DLG2: variants seen among roughly 807,000 people sequenced by gnomAD.
DLG2 encodes discs large MAGUK scaffold protein 2, also known as disks large homolog 2.
DLG2 carries 45 observed loss-of-function variants against 132.5 expected under a neutral mutation model. The observed-to-expected ratio is 0.34, with a 90% CI of 0.27 to 0.44. The LOEUF (loss-of-function observed/expected upper bound fraction) is 0.44, where lower values mean the gene tolerates loss of function less well. Ranked by LOEUF, DLG2 falls within the 20% of genes least tolerant of loss-of-function variation. The pLI is 1.00. For missense variants in DLG2, 1,045 were observed against 1,196.9 expected (o/e 0.87, Z 1.87); for synonymous variants, 424 against 419.6 (o/e 1.01, Z -0.13).
chr11:83,660,086 T>G (rs1285241708), intron 18 of DLG2, among the ~76,000 whole-genome samples: 1 of 152,190 alleles, frequency 6.6e-6, no homozygotes, highest in African/African-American at 2.4e-5. Context: ...GGAGGGTAAA[T>G]AGAGGGTCAT....
At chr11:84,006,970 C>A (rs2094601370) in intron 11 of DLG2, among the ~76,000 whole-genome samples, 1 of 151,592 alleles carries the variant, frequency 6.6e-6, no homozygotes, top group South Asian at 2.1e-4. Context: ...AAAAGACTAA[C>A]CTTAAATTTA....
intron 4 of DLG2, among the ~76,000 whole-genome samples, chr11:85,273,657 G>A (rs2077692575): frequency 6.6e-6 from 1 of 152,142 alleles, no homozygotes; most frequent in African/African-American, 2.4e-5. Flanking sequence ...ACTGTTGGTG[G>A]GACTGTAAAC....
In DLG2 at chr11:83,834,000, A is replaced by G. The variant is rs536096625; in HGVS notation, c.1566-230T>C. ...TGCAAAAAATCATTCCTTCATTCTA[A>G]AAAAATTTCTTAAACTACCTTTACT... On this transcript the variant is annotated intron_variant, in intron 16 of 27. Transcript: ENST00000376104. Among the ~76,000 whole-genome samples, 13 of 152,336 alleles carry G rather than the reference A, an allele frequency of 8.5e-5. No homozygotes were observed. The South Asian group carries it at 1.4e-3, about 17-fold the overall frequency.
intron 4 of DLG2, among the ~76,000 whole-genome samples, chr11:85,262,168 G>A (rs1267884043): frequency 6.6e-6 from 1 of 152,130 alleles, no homozygotes; most frequent in East Asian, 1.9e-4. Flanking sequence ...TGGGGACAAG[G>A]GTCCCACCTA....
chr11:83,643,763 C>T (rs2067277381), intron 18 of DLG2: 1 of 151,996 alleles, frequency 6.6e-6, no homozygotes, highest in Non-Finnish European at 1.5e-5. Context: ...TGGAGGCTCA[C>T]AGAGGCTAGT....
intron 7 of DLG2, among the ~76,000 whole-genome samples, chr11:84,302,607 T>C (rs1002237183): frequency 6.6e-6 from 1 of 152,186 alleles, no homozygotes; most frequent in African/African-American, 2.4e-5. Context: ...ACATTAACTG[T>C]AGTTAACTCT....
chr11:83,834,701 A>G (rs2055624178), intron 16 of DLG2, among the ~76,000 whole-genome samples: 1 of 152,230 alleles, frequency 6.6e-6, no homozygotes, highest in African/African-American at 2.4e-5. Context: ...GATCATCAAT[A>G]AAAAGGTCAG....
chr11:85,122,582 C>T (rs654338), intron 5 of DLG2, among the ~76,000 whole-genome samples: 2 of 152,104 alleles, frequency 1.3e-5, no homozygotes, highest in Non-Finnish European at 2.9e-5. Flanking sequence ...AAGGGCAGTG[C>T]TTCTCAAACC....
intron 3 of DLG2, among the ~76,000 whole-genome samples, chr11:85,504,220 G>C (rs1215919405): frequency 2.0e-5 from 3 of 152,058 alleles, no homozygotes; most frequent in African/African-American, 7.2e-5. Context: ...AGTTTAATTA[G>C]ATCCCATTTG....
intron 6 of DLG2, among the ~76,000 whole-genome samples, chr11:84,861,838 C>G (rs116230690): frequency 0.042 from 6,323 of 151,912 alleles, 197 homozygotes; most frequent in African/African-American, 0.081. Flanking sequence ...TTTATGAGAA[C>G]AACAAACATA....
At chr11:83,709,168 G>T (rs1185072264) in intron 18 of DLG2, among the ~76,000 whole-genome samples, 2 of 151,628 alleles carry the variant, frequency 1.3e-5, no homozygotes, top group African/African-American at 4.8e-5. Context: ...CATCAAGAAA[G>T]AATCTTTTTG....
chr11:83,891,010 T>A (rs1040338537), intron 15 of DLG2, among the ~76,000 whole-genome samples: 3 of 152,084 alleles, frequency 2.0e-5, no homozygotes, highest in Non-Finnish European at 4.4e-5. Flanking sequence ...ATTATTCCAA[T>A]ATTGTATCTG....
chr11:84,985,629 C>G (rs2056376312), intron 6 of DLG2, among the ~76,000 whole-genome samples: 1 of 151,916 alleles, frequency 6.6e-6, no homozygotes, highest in Non-Finnish European at 1.5e-5. Context: ...TAACCAAGAT[C>G]CGAGCAGAAC....
At chr11:83,586,845 C>A (rs1401778915) in intron 19 of DLG2, among the ~76,000 whole-genome samples, 1 of 152,192 alleles carries the variant, frequency 6.6e-6, no homozygotes, top group Non-Finnish European at 1.5e-5. Context: ...TTAACTACTG[C>A]CTTGTAATGT....
At chr11:84,064,123 A>C (rs1461039784) in intron 10 of DLG2, among the ~76,000 whole-genome samples, 1 of 151,782 alleles carries the variant, frequency 6.6e-6, no homozygotes, top group East Asian at 1.9e-4. Context: ...AAGAATATAT[A>C]TATATAACAA....
chr11:85,266,386 G>T lies in DLG2; in HGVS notation c.186+18834C>A, dbSNP rs1253435097. On this transcript the variant is annotated intron_variant, in intron 4 of 27. Coordinates refer to ENST00000376104, the MANE Select transcript of DLG2 (RefSeq NM_001142699.3). ...TCCCTACCAAACACCGCATGTTCTCGCTCATAACTGGGAGTTGAACAATGA... is the reference window on the plus strand; with the variant it reads ...TCCCTACCAAACACCGCATGTTCTCTCTCATAACTGGGAGTTGAACAATGA... Among the ~76,000 whole-genome samples the T allele has an allele frequency of 2.6e-5, 4 of 152,192 alleles. No homozygotes were observed. The East Asian group carries it at 5.8e-4, about 22-fold the overall frequency.
chr11:84,385,506 C>T (rs2098766256), intron 7 of DLG2, among the ~76,000 whole-genome samples: 2 of 152,064 alleles, frequency 1.3e-5, no homozygotes, highest in African/African-American at 4.8e-5. Context: ...TTTTTCTTTC[C>T]ACAGATATTT....
chr11:83,726,069 C>G (rs1566720030), intron 18 of DLG2, among the ~76,000 whole-genome samples: 1 of 152,102 alleles, frequency 6.6e-6, no homozygotes, highest in Non-Finnish European at 1.5e-5. Context: ...CAATCAAGCT[C>G]ACCTGAGATG....
At chr11:85,282,319 A>T (rs2078282255) in intron 4 of DLG2, among the ~76,000 whole-genome samples, 1 of 151,972 alleles carries the variant, frequency 6.6e-6, no homozygotes, top group Admixed American at 6.6e-5. Context: ...ATGATTAATA[A>T]TATATTGTAT....
Sources: gnomAD v4.1 joint callset for allele counts (sites outside exome capture counted in the v4.1 genomes callset) on GRCh38, gnomAD v4.1.1 for gene constraint, MANE v1.5 for transcripts, NCBI Gene and HGNC (gene_info 2026-07-23, HGNC 2026-07-21) for gene names.